FBXO22: variants seen among roughly 807,000 people sequenced by gnomAD.
FBXO22 encodes the protein F-box protein 22.
A neutral mutation model predicts 37.2 loss-of-function variants in FBXO22; 13 were observed. That is an observed-to-expected ratio of 0.35 (90% CI 0.23 to 0.56). The LOEUF (loss-of-function observed/expected upper bound fraction) is 0.56. Ranked by LOEUF, FBXO22 falls within the 20% of genes least tolerant of loss-of-function variation. FBXO22 has a pLI of 0.87. For missense variants in FBXO22, 446 were observed against 509.9 expected (o/e 0.87, Z 1.21); for synonymous variants, 189 against 189.1 (o/e 1.00, Z 0.00).
At position 75,940,159 on chromosome 15, in the gene FBXO22, G is replaced by A. The variant is rs2030793800; in HGVS notation, c.*7057G>A. 6.8e-6 allele frequency: 1 copy of A among 147,576 alleles called. No homozygotes were observed. The highest frequency in any genetic ancestry group is 2.5e-5 in the African/African-American group (1 of 40,448). The allele number at this position is 147,576 out of a possible 1,614,324, so 9.1% of individuals were successfully genotyped here. On this transcript the variant is annotated 3_prime_UTR_variant, in exon 7 of 7. Coordinates refer to ENST00000308275, the MANE Select transcript of FBXO22 (RefSeq NM_147188.3). ...ATTCAGTAAGGTAGCAGGATACAAA[G>A]TCAACCCACAAAAGTCAGTTGCATT...
At chr15:75,928,289 C>T (rs1315399596) in intron 5 of FBXO22, among the ~76,000 whole-genome samples, 1 of 152,058 alleles carries the variant, frequency 6.6e-6, no homozygotes, top group African/African-American at 2.4e-5. Context: ...GTTATAAAGA[C>T]ACATGCACAT....
rs777755878 is a variant in FBXO22 at position 75,903,998 on chromosome 15, G to T, written c.35G>T (p.Gly12Val). 1.3e-5 allele frequency: 21 copies of T among 1,579,256 alleles called. 1 individual carries two copies. The South Asian group carries it at 2.4e-4, about 18-fold the overall frequency. Residue 12 changes from glycine (G) to valine (V), a missense_variant, in exon 1 of 7, where the codon GGC becomes GTC. Around this residue, in one of 2 missense-constraint regions of FBXO22, gnomAD observed 131 missense variants for 99.8 expected, o/e 1.31. Coordinates refer to ENST00000308275, the MANE Select transcript of FBXO22 (RefSeq NM_147188.3). ...GTAGGCTGCTGCGGCGAGTGCCGCG[G>T]CTCCTCCGTAGACCCGCGGAGCACC... ...EPVGCCGECR[G>V]SSVDPRSTFV...
Position 75,935,555 on chromosome 15 carries a change from G to C in FBXO22, c.*2453G>C, listed in dbSNP as rs193173720. On this transcript the variant is annotated 3_prime_UTR_variant, in exon 7 of 7. Transcript: ENST00000308275. ...GATCCAAGTAAAATCTAAGGAAGAGGGAAAGTAAACCTTGAAATTAAGACC... is the reference window on the plus strand; with the variant it reads ...GATCCAAGTAAAATCTAAGGAAGAGCGAAAGTAAACCTTGAAATTAAGACC... 19 of 150,964 alleles carry C rather than the reference G, an allele frequency of 1.3e-4. No homozygotes were observed. The highest frequency in any genetic ancestry group is 4.4e-4 in the African/African-American group (18 of 40,998). The allele number at this position is 150,964 out of a possible 1,614,324, so 9.4% of individuals were successfully genotyped here.
chr15:75,925,675 T>TAAAAAAAAA (rs371276673), intron 5 of FBXO22, among the ~76,000 whole-genome samples: 1 of 137,474 alleles, frequency 7.3e-6, no homozygotes, highest in Non-Finnish European at 1.5e-5. Context: ...AAGCTAGTGT[T>TAAAAAAAAA]AAAAAAAAAA....
In FBXO22 at chr15:75,939,641, A is replaced by G. The variant is rs995053910; in HGVS notation, c.*6539A>G. On this transcript the variant is annotated 3_prime_UTR_variant, in exon 7 of 7. Coordinates refer to ENST00000308275, the MANE Select transcript of FBXO22 (RefSeq NM_147188.3). ...ATGATCGCTGATTCAACAATTGTCA[A>G]TACTAGGAAACTGAATTTAGCAGCA... 16 of 152,210 alleles carry G rather than the reference A, an allele frequency of 1.1e-4. 1 individual carries two copies. The highest frequency in any genetic ancestry group is 9.8e-4 in the Admixed American group (15 of 15,280). 9.4% of individuals were successfully genotyped at this position (152,210 alleles called of 1,614,324 possible). A position where few individuals can be genotyped will look rare whatever the true frequency, so the allele number is the denominator to read the frequency against.
intron 1 of FBXO22, 150 bp from the exon 2 acceptor site, chr15:75,904,341 A>G (rs1322701677): frequency 1.6e-6 from 2 of 1,242,502 alleles, no homozygotes; most frequent in African/African-American, 1.5e-5. Flanking sequence ...CTTCTTCCGA[A>G]CTAGCGCCCT....
At chr15:75,929,163 C>T (rs1254623129) in intron 5 of FBXO22, among the ~76,000 whole-genome samples, 2 of 152,120 alleles carry the variant, frequency 1.3e-5, no homozygotes, top group African/African-American at 4.8e-5. Flanking sequence ...GTTTCTGCTT[C>T]TGTGGTCACA....
intron 1 of FBXO22, 117 bp downstream of exon 1, chr15:75,904,220 TC>T (rs1277459994): frequency 2.0e-5 from 27 of 1,363,348 alleles, no homozygotes; most frequent in Admixed American, 2.9e-5. Context: ...CCCGGCTCGC[TC>T]GCCCTACCTG....
rs1471378679 is a variant in FBXO22, at chr15:75,939,165, T to A, written c.*6063T>A. Reference sequence around the variant, plus strand: ...AGAGAAAAATCAGTGAAACTACAAGTTCTTTAAAAGACCATAAAGTTGGAA... The same window carrying A: ...AGAGAAAAATCAGTGAAACTACAAGATCTTTAAAAGACCATAAAGTTGGAA... On this transcript the variant is annotated 3_prime_UTR_variant, in exon 7 of 7. Coordinates refer to ENST00000308275, the MANE Select transcript of FBXO22 (RefSeq NM_147188.3). 1.3e-5 allele frequency: 2 copies of A among 152,054 alleles called. No homozygotes were observed. Among genetic ancestry groups the A allele is most frequent in the African/African-American group, 2.4e-5 (1 of 41,432 alleles). 9.4% of individuals were successfully genotyped at this position (152,054 alleles called of 1,614,324 possible).
In FBXO22 at chr15:75,929,900, T is replaced by G; in HGVS notation, c.645T>G (p.Pro215=). The G allele has an allele frequency of 6.2e-7, 1 of 1,614,086 alleles. No homozygotes were observed. Among genetic ancestry groups the G allele is most frequent in the Non-Finnish European group, 8.5e-7 (1 of 1,179,946 alleles). ...QLTEVGLLDN[P]ELRVVLVFGY... is the part of the protein sequence containing the mutation. Reference sequence around the variant, plus strand: ...TCTCTGCAGGTCTTTTAGATAACCCTGAACTTCGTGTGGTCCTTGTCTTTG... The same window carrying G: ...TCTCTGCAGGTCTTTTAGATAACCCGGAACTTCGTGTGGTCCTTGTCTTTG... Residue 215 remains proline (P), a synonymous_variant, in exon 6 of 7, where the codon CCT becomes CCG. Transcript: ENST00000308275.
At position 75,933,186 on chromosome 15, in the gene FBXO22, C is replaced by T; in HGVS notation, c.*84C>T. On this transcript the variant is annotated 3_prime_UTR_variant, in exon 7 of 7. Transcript: ENST00000308275. Reference sequence around the variant, plus strand: ...AAACTTGGGCCATGTGTATTTCAAACAAAAATAACTTTAGATATATCTTTT... The same window carrying T: ...AAACTTGGGCCATGTGTATTTCAAATAAAAATAACTTTAGATATATCTTTT... 1 of 1,161,060 alleles carries T rather than the reference C, an allele frequency of 8.6e-7. No individual in the cohort carries two copies. Among genetic ancestry groups the T allele is most frequent in the Middle Eastern group, 2.6e-4 (1 of 3,892 alleles). The allele number at this position is 1,161,060 out of a possible 1,614,324, so 71.9% of individuals were successfully genotyped here. A position where few individuals can be genotyped will look rare whatever the true frequency, so the allele number is the denominator to read the frequency against.
intron 5 of FBXO22, among the ~76,000 whole-genome samples, chr15:75,920,969 A>G (rs1433828949): frequency 1.3e-5 from 2 of 152,214 alleles, no homozygotes; most frequent in Non-Finnish European, 2.9e-5. Flanking sequence ...AGTTCTGAGA[A>G]ATGCATCTTT....
intron 5 of FBXO22, among the ~76,000 whole-genome samples, chr15:75,919,294 T>C (rs1409192573): frequency 6.6e-6 from 1 of 152,170 alleles, no homozygotes; most frequent in Admixed American, 6.5e-5. Flanking sequence ...TCTTGAAGAA[T>C]GCTAAGAGAG....
At chr15:75,913,861 C>T (rs532200259) in intron 3 of FBXO22, among the ~76,000 whole-genome samples, 1 of 152,226 alleles carries the variant, frequency 6.6e-6, no homozygotes, top group South Asian at 2.1e-4. Flanking sequence ...TTTGACATCA[C>T]TGGGGCAAAA....
chr15:75,905,505 A>G (rs1340152163), intron 2 of FBXO22: 2 of 152,212 alleles, frequency 1.3e-5, no homozygotes, highest in East Asian at 3.9e-4. Context: ...CGGCTTACAG[A>G]CAGACATAAC....
Position 75,933,217 on chromosome 15 carries a change from G to A in FBXO22, c.*115G>A. On this transcript the variant is annotated 3_prime_UTR_variant, in exon 7 of 7. Coordinates refer to ENST00000308275, the MANE Select transcript of FBXO22 (RefSeq NM_147188.3). Reference sequence around the variant, plus strand: ...TAACTTTAGATATATCTTTTTTGTAGCTTTGATTGATGCTCTAAGATCACA... The same window carrying A: ...TAACTTTAGATATATCTTTTTTGTAACTTTGATTGATGCTCTAAGATCACA... The A allele has an allele frequency of 1.2e-6, 1 of 842,848 alleles. No individual in the cohort carries two copies. The highest frequency in any genetic ancestry group is 1.8e-5 in the South Asian group (1 of 55,970). The allele number at this position is 842,848 out of a possible 1,614,324, so 52.2% of individuals were successfully genotyped here. A position where few individuals can be genotyped will look rare whatever the true frequency, so the allele number is the denominator to read the frequency against.
chr15:75,941,546 T>C lies in FBXO22; in HGVS notation c.*8444T>C, dbSNP rs1263539331. On this transcript the variant is annotated 3_prime_UTR_variant, in exon 7 of 7. Transcript: ENST00000308275. ...CCCAAATACCCAACAGATGAATGGA[T>C]AGACAAAATGTGTTATATCCATACA... 6.6e-6 allele frequency: 1 copy of C among 152,150 alleles called. No homozygotes were observed. Among genetic ancestry groups the C allele is most frequent in the African/African-American group, 2.4e-5 (1 of 41,436 alleles). The allele number at this position is 152,150 out of a possible 1,614,324, so 9.4% of individuals were successfully genotyped here. A position where few individuals can be genotyped will look rare whatever the true frequency, so the allele number is the denominator to read the frequency against.
At position 75,940,653 on chromosome 15, in the gene FBXO22, T is replaced by C. The variant is rs867536159; in HGVS notation, c.*7551T>C. 3.3e-5 allele frequency: 5 copies of C among 152,038 alleles called. No homozygotes were observed. Among genetic ancestry groups the C allele is most frequent in the African/African-American group, 4.8e-5 (2 of 41,400 alleles). 9.4% of individuals were successfully genotyped at this position (152,038 alleles called of 1,614,324 possible). A position where few individuals can be genotyped will look rare whatever the true frequency, so the allele number is the denominator to read the frequency against. The stretch of plus-strand genomic sequence containing the variant: ...GCATAAAGGCAGACGGATAGACCAA[T>C]GGGATAGACTGGAGAACCTAGAAAT... On this transcript the variant is annotated 3_prime_UTR_variant, in exon 7 of 7. Coordinates refer to ENST00000308275, the MANE Select transcript of FBXO22 (RefSeq NM_147188.3).
At chr15:75,910,379 TACAA>T (rs908271770) in intron 2 of FBXO22, 8 of 152,208 alleles carry the variant, frequency 5.3e-5, no homozygotes, top group East Asian at 1.9e-4. Context: ...TTTGCACTCC[TACAA>T]ACAGTGTGAA....
Sources: allele counts gnomAD v4.1 joint callset (sites outside exome capture counted in the v4.1 genomes callset), GRCh38; gene constraint gnomAD v4.1.1; regional missense constraint gnomAD v4.1.1; transcripts MANE v1.5; gene names NCBI Gene and HGNC (gene_info 2026-07-23, HGNC 2026-07-21).